MTHFD1L: variants seen among roughly 807,000 people sequenced by gnomAD.
MTHFD1L encodes monofunctional C1-tetrahydrofolate synthase, mitochondrial.
A neutral mutation model predicts 119.5 loss-of-function variants in MTHFD1L; 81 were observed. That is an observed-to-expected ratio of 0.68 (90% confidence interval 0.57 to 0.82). The LOEUF (loss-of-function observed/expected upper bound fraction) is 0.82. MTHFD1L is among the 40% of genes least tolerant of loss of function. The probability of loss-of-function intolerance (pLI) is 0.00; values close to 1 mark genes in which losing one functional copy is unlikely to be tolerated. For missense variants in MTHFD1L, 1,125 were observed against 1,253.4 expected (o/e 0.90, Z 1.55); for synonymous variants, 430 against 475.2 (o/e 0.90, Z 1.24).
chr6:150,892,153 ATTTGGAAGC>A (rs959988664), intron 7 of MTHFD1L, among the ~76,000 whole-genome samples: 45 of 152,322 alleles, frequency 3.0e-4, no homozygotes, highest in African/African-American at 9.6e-4. Context: ...AGAAATTTTG[ATTTGGAAGC>A]TCAGTGGAAG....
chr6:150,977,096 A>G (rs542210930), intron 20 of MTHFD1L, among the ~76,000 whole-genome samples: 100 of 152,316 alleles, frequency 6.6e-4, no homozygotes, highest in Admixed American at 1.3e-3. Flanking sequence ...GCCCTCCAGT[A>G]ATTGATGATG....
At chr6:151,043,851 T>A (rs1212819135) in intron 26 of MTHFD1L, among the ~76,000 whole-genome samples, 6 of 152,252 alleles carry the variant, frequency 3.9e-5, no homozygotes, top group Non-Finnish European at 7.4e-5. Context: ...GTTTGAGGGT[T>A]GAGTGGGAAG....
At chr6:150,963,966 G>T (rs949152968) in intron 18 of MTHFD1L, among the ~76,000 whole-genome samples, 1 of 152,120 alleles carries the variant, frequency 6.6e-6, no homozygotes, top group African/African-American at 2.4e-5. Flanking sequence ...AGGAGTTCGC[G>T]ACCAGCCTGG....
intron 13 of MTHFD1L, among the ~76,000 whole-genome samples, chr6:150,940,647 C>G (rs1174657889): frequency 6.6e-6 from 1 of 152,152 alleles, no homozygotes; most frequent in Admixed American, 6.5e-5. Flanking sequence ...ATGGTGCAAT[C>G]TCGGCTCGCT....
At chr6:151,071,994 C>G (rs939556800) in intron 26 of MTHFD1L, among the ~76,000 whole-genome samples, 2 of 152,030 alleles carry the variant, frequency 1.3e-5, no homozygotes, top group African/African-American at 2.4e-5. Flanking sequence ...AGGCACCCAC[C>G]ACCACATTTG....
At chr6:151,084,999 A>G (rs955484409) in intron 26 of MTHFD1L, among the ~76,000 whole-genome samples, 47 of 140,964 alleles carry the variant, frequency 3.3e-4, no homozygotes, top group Admixed American at 9.9e-4. Context: ...ATATATATAT[A>G]TATATGTATA....
chr6:150,985,654 CTG>C (rs1226453694), intron 20 of MTHFD1L, among the ~76,000 whole-genome samples: 2 of 105,866 alleles, frequency 1.9e-5, no homozygotes, highest in East Asian at 6.4e-4. Context: ...GAGTGAGACT[CTG>C]TCTCAAAAAA....
At chr6:150,937,036 T>G in intron 12 of MTHFD1L, 96 bp downstream of exon 12, 1 of 1,436,858 alleles carries the variant, frequency 7.0e-7, no homozygotes, top group Non-Finnish European at 9.5e-7. Flanking sequence ...TTAAGACTTT[T>G]CAGGGGACTT....
At chr6:150,988,830 T>C (rs1203020377) in intron 20 of MTHFD1L, among the ~76,000 whole-genome samples, 1 of 152,242 alleles carries the variant, frequency 6.6e-6, no homozygotes, top group Non-Finnish European at 1.5e-5. Flanking sequence ...GGTCTCGAAC[T>C]CCTGACCTCA....
intron 20 of MTHFD1L, among the ~76,000 whole-genome samples, chr6:151,006,648 G>A (rs186996490): frequency 7.2e-5 from 11 of 152,178 alleles, no homozygotes; most frequent in Middle Eastern, 3.4e-3. Flanking sequence ...TAATATATTT[G>A]TGTCCAAGTG....
chr6:150,984,925 G>C (rs375101151), intron 20 of MTHFD1L: 1 of 152,150 alleles, frequency 6.6e-6, no homozygotes, highest in African/African-American at 2.4e-5. Context: ...CGCATATTAG[G>C]TTTCAGGCTC....
At chr6:150,919,524 C>A (rs987512872) in intron 9 of MTHFD1L, among the ~76,000 whole-genome samples, 2 of 152,190 alleles carry the variant, frequency 1.3e-5, no homozygotes, top group Non-Finnish European at 2.9e-5. Context: ...CGCGCCTGAC[C>A]TGGCTCACAG....
At chr6:150,915,654 G>A (rs779995399) in intron 8 of MTHFD1L, among the ~76,000 whole-genome samples, 1 of 152,074 alleles carries the variant, frequency 6.6e-6, no homozygotes, top group Non-Finnish European at 1.5e-5. Context: ...AGGGTGGAGT[G>A]CAGTGGCACA....
In MTHFD1L at chr6:150,890,500, C is replaced by T. The variant is rs1252576248; in HGVS notation, c.780+2519C>T. 4.6e-5 allele frequency among the ~76,000 whole-genome samples: 7 copies of T among 152,210 alleles called. No individual in the cohort carries two copies. In the East Asian group the frequency reaches 1.2e-3, roughly 25 times the overall value. On this transcript the variant is annotated intron_variant, in intron 7 of 27. Transcript: ENST00000367321. ...TGAATATTGAGAGGACAGTATCCCT[C>T]CCTGAGCATCTTCTGGAGCTTGATG...
At chr6:150,917,294 T>C (rs1583544553) in intron 8 of MTHFD1L, among the ~76,000 whole-genome samples, 1 of 151,838 alleles carries the variant, frequency 6.6e-6, no homozygotes, top group African/African-American at 2.4e-5. Context: ...GAGGCCGAGG[T>C]GGGCAGATCA....
At chr6:150,935,155 G>A in intron 11 of MTHFD1L, 1 of 1,612,938 alleles carries the variant, frequency 6.2e-7, no homozygotes. Context: ...AGGTAAGCTT[G>A]GGAAATTCTA....
chr6:150,929,180 G>A (rs1444610080), intron 11 of MTHFD1L, among the ~76,000 whole-genome samples: 1 of 152,194 alleles, frequency 6.6e-6, no homozygotes, highest in South Asian at 2.1e-4. Context: ...AGTTTAGTCA[G>A]GGTTGTTTTA....
chr6:151,015,206 C>CTTTTTTTTTTTTTTT (rs58646889), intron 23 of MTHFD1L, among the ~76,000 whole-genome samples: 3 of 76,934 alleles, frequency 3.9e-5, no homozygotes, highest in African/African-American at 5.8e-5. Flanking sequence ...ATCTCCTTGG[C>CTTTTTTTTTTTTTTT]TTTTTTTTTT....
chr6:150,990,429 A>G (rs1449729620), intron 20 of MTHFD1L, among the ~76,000 whole-genome samples: 1 of 152,066 alleles, frequency 6.6e-6, no homozygotes, highest in African/African-American at 2.4e-5. Flanking sequence ...ATTTGATAAG[A>G]TGACATTTTA....
Sources: allele counts gnomAD v4.1 joint callset (sites outside exome capture counted in the v4.1 genomes callset), GRCh38; gene constraint gnomAD v4.1.1; transcripts MANE v1.5; gene names NCBI Gene and HGNC (gene_info 2026-07-23, HGNC 2026-07-21).